The following MTSS1 variants were observed in gnomAD, a reference collection of about 807,000 sequenced individuals.
MTSS1 encodes MTSS I-BAR domain containing 1.
A neutral mutation model predicts 79.0 loss-of-function variants in MTSS1; 18 were observed. The observed-to-expected ratio is 0.23, with a 90% CI of 0.16 to 0.34. The LOEUF is 0.34. Ranked by LOEUF, MTSS1 falls within the 10% of genes least tolerant of loss-of-function variation. The pLI is 1.00. For missense variants in MTSS1, 815 were observed against 986.2 expected (o/e 0.83, Z 2.33); for synonymous variants, 341 against 368.6 (o/e 0.93, Z 0.86).
intron 3 of MTSS1, among the ~76,000 whole-genome samples, chr8:124,662,108 C>A (rs1467379388): frequency 4.6e-5 from 7 of 152,168 alleles, no homozygotes; most frequent in Admixed American, 4.6e-4. Flanking sequence ...CATGTTAGAT[C>A]TATTGATCGC....
intron 3 of MTSS1, among the ~76,000 whole-genome samples, chr8:124,695,516 C>T (rs1828663429): frequency 6.6e-6 from 1 of 152,154 alleles, no homozygotes. Flanking sequence ...TTATCATTTC[C>T]TTGGTGATCC....
intron 3 of MTSS1, among the ~76,000 whole-genome samples, chr8:124,602,446 C>T (rs1587171046): frequency 1.3e-5 from 2 of 151,872 alleles, no homozygotes; most frequent in African/African-American, 4.8e-5. Flanking sequence ...GTGATTCCCC[C>T]ACCTCGACCT....
chr8:124,613,002 G>A (rs988828995), intron 3 of MTSS1, among the ~76,000 whole-genome samples: 1 of 152,106 alleles, frequency 6.6e-6, no homozygotes, highest in Non-Finnish European at 1.5e-5. Flanking sequence ...GGTCTCAGGG[G>A]CATTTCTGTG....
At chr8:124,635,334 G>A (rs969273979) in intron 3 of MTSS1, among the ~76,000 whole-genome samples, 1 of 152,250 alleles carries the variant, frequency 6.6e-6, no homozygotes, top group Non-Finnish European at 1.5e-5. Context: ...TCAGCAGTCT[G>A]TACACAGAGA....
rs35048613 is a variant in MTSS1, at chr8:124,621,553, GT to G, written c.209-30319del. Among the ~76,000 whole-genome samples the G allele has an allele frequency of 9.9e-5, 15 of 151,466 alleles. No individual in the cohort carries two copies. The South Asian group carries it at 2.7e-3, about 27-fold the overall frequency. On this transcript the variant is annotated intron_variant, in intron 3 of 13. Coordinates refer to ENST00000518547, the MANE Select transcript of MTSS1 (RefSeq NM_014751.6). ...GGTTCCTATCACTTTCTGTTTGTGT[GT>G]TTTTTTTTGAGACGGCGTCTCGCCC...
chr8:124,662,444 C>T (rs891261803), intron 3 of MTSS1, among the ~76,000 whole-genome samples: 8 of 152,176 alleles, frequency 5.3e-5, no homozygotes, highest in African/African-American at 1.9e-4. Context: ...CCAAGAGAGG[C>T]CTCAGTCTCT....
At chr8:124,632,686 G>C (rs757989290) in intron 3 of MTSS1, among the ~76,000 whole-genome samples, 22 of 152,204 alleles carry the variant, frequency 1.4e-4, no homozygotes, top group Admixed American at 3.9e-4. Context: ...TTTGTTTTTT[G>C]AGATGGAGTC....
Position 124,553,217 on chromosome 8 carries a change from A to G in MTSS1, c.2043T>C (p.Ser681=). 1 of 1,614,098 alleles carries G rather than the reference A, an allele frequency of 6.2e-7. No individual in the cohort carries two copies. Among genetic ancestry groups the G allele is most frequent in the Non-Finnish European group, 8.5e-7 (1 of 1,180,018 alleles). The change falls in exon 14 of 14, where the codon AGT becomes AGC. Residue 681 remains serine (S), a synonymous_variant. Transcript: ENST00000518547. The surrounding 1 kb of genome is among the most constrained non-coding windows in gnomAD (Gnocchi z 6.0). ...TTGCCTGTCTGTGCTCCTCAGGGAT[A>G]CTGGGCTTCGGGCCTGGAAGTGGAG... ...VNPPLPGPKP[S]IPEEHRQAIP...
chr8:124,567,001 G>T, intron 8 of MTSS1, 70 bp downstream of exon 8: 3 of 1,191,674 alleles, frequency 2.5e-6, no homozygotes, highest in Non-Finnish European at 3.7e-6. Context: ...ACATGCCACA[G>T]GAACACTCAG....
intron 6 of MTSS1, among the ~76,000 whole-genome samples, chr8:124,575,380 T>A (rs1359671115): frequency 1.3e-5 from 2 of 152,186 alleles, no homozygotes; most frequent in African/African-American, 4.8e-5. Context: ...ATGTAAATAA[T>A]AACAGTATTG....
At position 124,563,192 on chromosome 8, in the gene MTSS1, C is replaced by T. The variant is rs114297819; in HGVS notation, c.825-200G>A. 1,160 of 589,374 alleles carry T rather than the reference C, an allele frequency of 2.0e-3. 2 individuals carry two copies. The highest frequency in any genetic ancestry group is 0.012 in the Middle Eastern group (27 of 2,202). 36.5% of individuals were successfully genotyped at this position (589,374 alleles called of 1,614,324 possible). On this transcript the variant is annotated intron_variant, in intron 9 of 13. Transcript: ENST00000518547. Reference sequence around the variant, plus strand: ...AACACCAAATCATGAAGGTAGTCAACAAAATGCTTTTCCAGGTGACCCAGG... The same window carrying T: ...AACACCAAATCATGAAGGTAGTCAATAAAATGCTTTTCCAGGTGACCCAGG...
intron 10 of MTSS1, among the ~76,000 whole-genome samples, chr8:124,561,001 A>T (rs1197835284): frequency 6.6e-6 from 1 of 152,086 alleles, no homozygotes; most frequent in Non-Finnish European, 1.5e-5. Context: ...CCTTCAGGAG[A>T]TTGTACCCTC....
At chr8:124,662,935 G>T (rs1227016342) in intron 3 of MTSS1, among the ~76,000 whole-genome samples, 2 of 152,104 alleles carry the variant, frequency 1.3e-5, no homozygotes, top group Non-Finnish European at 2.9e-5. Context: ...CCAAGGGACC[G>T]AGACGTGACC....
intron 1 of MTSS1, among the ~76,000 whole-genome samples, chr8:124,721,624 C>T (rs923032061): frequency 6.6e-6 from 1 of 151,818 alleles, no homozygotes; most frequent in Non-Finnish European, 1.5e-5. Context: ...TGGCCAGGCT[C>T]GTCTCAAACT....
Position 124,601,801 on chromosome 8 carries a change from G to A in MTSS1, c.209-10566C>T, listed in dbSNP as rs184398157. Among the ~76,000 whole-genome samples the A allele has an allele frequency of 3.9e-3, 587 of 152,314 alleles. 4 individuals are homozygous for A. Among genetic ancestry groups the A allele is most frequent in the African/African-American group, 0.014 (564 of 41,562 alleles). On this transcript the variant is annotated intron_variant, in intron 3 of 13. Transcript: ENST00000518547. ...CACGGCTACACAGCTCTGCACACAC[G>A]CACACACGAGCGTCAGACTTGACCA...
chr8:124,556,379 G>T lies in MTSS1; in HGVS notation c.1257C>A (p.Asp419Glu). The T allele has an allele frequency of 6.2e-7, 1 of 1,613,908 alleles. No individual in the cohort carries two copies. Among genetic ancestry groups the T allele is most frequent in the Non-Finnish European group, 8.5e-7 (1 of 1,179,890 alleles). Residue 419 changes from aspartate (D) to glutamate (E), a missense_variant, in exon 12 of 14, where the codon GAC (aspartate) becomes GAA (glutamate). This residue lies in a region of MTSS1 where 590 missense variants were observed against 620.8 expected (regional missense o/e 0.95). Transcript: ENST00000518547. ...WKDWAKPGPY[D>E]QPLVNTLQRR... ...GCTGCAGGGTGTTCACCAGAGGCTG[G>T]TCATAGGGCCCAGGCTTAGCCCAGT...
intron 3 of MTSS1, among the ~76,000 whole-genome samples, chr8:124,658,219 T>C (rs1821327802): frequency 6.6e-6 from 1 of 152,196 alleles, no homozygotes; most frequent in South Asian, 2.1e-4. Context: ...CCATGTATTG[T>C]GGGAAGGACC....
At chr8:124,590,641 C>G (rs1340313770) in intron 4 of MTSS1, among the ~76,000 whole-genome samples, 1 of 152,222 alleles carries the variant, frequency 6.6e-6, no homozygotes, top group East Asian at 1.9e-4. Context: ...TCCATTTTCA[C>G]TTGAACATTT....
chr8:124,638,632 AG>A (rs1276712380), intron 3 of MTSS1, among the ~76,000 whole-genome samples: 5 of 152,192 alleles, frequency 3.3e-5, no homozygotes, highest in African/African-American at 1.2e-4. Flanking sequence ...TTCTCCCCGG[AG>A]AATAGAAATG....
Sources: gnomAD v4.1 joint callset for allele counts (sites outside exome capture counted in the v4.1 genomes callset) on GRCh38, gnomAD v4.1.1 for gene constraint, gnomAD v4.1.1 regional missense constraint, Gnocchi (gnomAD v3.1) non-coding constraint, MANE v1.5 for transcripts, NCBI Gene and HGNC (gene_info 2026-07-23, HGNC 2026-07-21) for gene names.